Variants in SENP7 observed in about 807,000 individuals in gnomAD.
SENP7 encodes sentrin-specific protease 7.
In SENP7, 64 loss-of-function variants were observed where a neutral mutation model predicts 141.2. The ratio of observed to expected loss-of-function variants is 0.45; its 90% CI spans 0.37 to 0.56. The LOEUF (loss-of-function observed/expected upper bound fraction) is 0.56. Among genes scored for constraint, SENP7 ranks in the 20% least tolerant of loss-of-function variants. The probability of loss-of-function intolerance (pLI) is 0.00; values close to 1 mark genes in which losing one functional copy is unlikely to be tolerated. For missense variants in SENP7, 1,025 were observed against 1,212.2 expected, an observed-to-expected ratio of 0.85 and a Z score of 2.29; for synonymous variants, 382 against 426.4, an observed-to-expected ratio of 0.90 and a Z score of 1.28.
intron 5 of SENP7, among the ~76,000 whole-genome samples, chr3:101,410,424 T>C (rs930415454): frequency 6.6e-6 from 1 of 152,206 alleles, no homozygotes; most frequent in Non-Finnish European, 1.5e-5. Flanking sequence ...ATCCCACTCC[T>C]GGATATCTAC....
chr3:101,467,059 G>A (rs916374376), intron 3 of SENP7, among the ~76,000 whole-genome samples: 14 of 152,196 alleles, frequency 9.2e-5, no homozygotes, highest in African/African-American at 2.7e-4. Context: ...CAGGTCCCAC[G>A]CCCACAAAGC....
intron 1 of SENP7, 80 bp from the exon 2 acceptor site, chr3:101,501,199 A>C (rs1487397307): frequency 1.1e-6 from 1 of 917,804 alleles, no homozygotes; most frequent in African/African-American, 1.7e-5. Flanking sequence ...AGATTCTTTC[A>C]CATTCATCCT....
At chr3:101,461,337 T>C (rs1028027190) in intron 3 of SENP7, among the ~76,000 whole-genome samples, 1 of 151,972 alleles carries the variant, frequency 6.6e-6, no homozygotes, top group East Asian at 1.9e-4. Context: ...AAAATCCCTA[T>C]AAAAATATCA....
At chr3:101,439,564 G>A (rs1351683176) in intron 4 of SENP7, among the ~76,000 whole-genome samples, 390 of 28,522 alleles carry the variant, frequency 0.014, no homozygotes, top group South Asian at 0.031. Context: ...TCAGCCCCCC[G>A]CCCGGCCAGC....
chr3:101,353,264 C>T (rs1308608754), intron 11 of SENP7, among the ~76,000 whole-genome samples: 2 of 151,862 alleles, frequency 1.3e-5, no homozygotes, highest in Admixed American at 1.3e-4. Context: ...AAAAAATAAA[C>T]AGAAGCGGTG....
intron 11 of SENP7, among the ~76,000 whole-genome samples, chr3:101,352,620 T>G (rs1157569336): frequency 6.6e-6 from 1 of 152,084 alleles, no homozygotes; most frequent in East Asian, 1.9e-4. Flanking sequence ...CTTTGAAGTT[T>G]GTGTTTCCAT....
chr3:101,411,025 A>G (rs2061443366), intron 5 of SENP7, among the ~76,000 whole-genome samples: 1 of 152,206 alleles, frequency 6.6e-6, no homozygotes, highest in Admixed American at 6.5e-5. Context: ...AGTTAGACCA[A>G]CATAGGTTTG....
At chr3:101,442,207 T>G (rs138331784) in intron 4 of SENP7, among the ~76,000 whole-genome samples, 2 of 152,266 alleles carry the variant, frequency 1.3e-5, no homozygotes, top group African/African-American at 2.4e-5. Flanking sequence ...AATATATGTA[T>G]GAAATGCCTG....
At chr3:101,439,089 G>T (rs1262897292) in intron 4 of SENP7, among the ~76,000 whole-genome samples, 1 of 124,256 alleles carries the variant, frequency 8.0e-6, no homozygotes, top group Admixed American at 8.4e-5. Context: ...GAAGTGAGGA[G>T]CGCCTCTTCC....
chr3:101,368,105 C>A, intron 7 of SENP7, 94 bp from the exon 8 acceptor site: 1 of 899,388 alleles, frequency 1.1e-6, no homozygotes, highest in Non-Finnish European at 1.7e-6. Context: ...GATTGCTATA[C>A]TACTTCCAAA....
chr3:101,479,753 C>T (rs528270294), intron 3 of SENP7, among the ~76,000 whole-genome samples: 25 of 145,812 alleles, frequency 1.7e-4, no homozygotes, highest in African/African-American at 5.8e-4. Flanking sequence ...TGCAGTGAGC[C>T]GAGACCATGC....
intron 3 of SENP7, among the ~76,000 whole-genome samples, chr3:101,480,195 C>G (rs1168168630): frequency 6.6e-6 from 1 of 151,938 alleles, no homozygotes; most frequent in Non-Finnish European, 1.5e-5. Context: ...TGTATGGAAA[C>G]AAGAATCCAA....
chr3:101,504,695 TTACAGTA>T (rs879360372), intron 1 of SENP7, among the ~76,000 whole-genome samples: 3 of 152,176 alleles, frequency 2.0e-5, no homozygotes, highest in Non-Finnish European at 4.4e-5. Flanking sequence ...CTCACGTCTT[TTACAGTA>T]ACACAGAACT....
intron 4 of SENP7, among the ~76,000 whole-genome samples, chr3:101,454,964 T>C (rs1244977315): frequency 3.3e-5 from 5 of 152,194 alleles, no homozygotes; most frequent in Admixed American, 1.3e-4. Flanking sequence ...TATTTAATTA[T>C]TGAATTAAAA....
At chr3:101,376,264 T>C (rs1365610926) in intron 6 of SENP7, among the ~76,000 whole-genome samples, 1 of 152,120 alleles carries the variant, frequency 6.6e-6, no homozygotes, top group East Asian at 1.9e-4. Flanking sequence ...GAAAAAGTCC[T>C]GGAAAAGAAT....
intron 6 of SENP7, among the ~76,000 whole-genome samples, chr3:101,397,395 A>T (rs1576218615): frequency 6.6e-6 from 1 of 152,274 alleles, no homozygotes. Context: ...AGCCTCCCAA[A>T]GGGCTAGGAT....
chr3:101,444,889 T>TAAC (rs1159952323), intron 4 of SENP7, among the ~76,000 whole-genome samples: 1 of 148,844 alleles, frequency 6.7e-6, no homozygotes, highest in Non-Finnish European at 1.5e-5. Flanking sequence ...ACTTAAAGTA[T>TAAC]AATAATAATA....
intron 2 of SENP7, 141 bp from the exon 3 acceptor site, chr3:101,494,109 A>G (rs3846089): frequency 0.42 from 176,925 of 426,168 alleles, 38,327 homozygotes; most frequent in East Asian, 0.56. Context: ...TAATTTATAT[A>G]CAATTAAATA....
At chr3:101,399,287 C>T (rs904614634) in intron 5 of SENP7, among the ~76,000 whole-genome samples, 3 of 152,188 alleles carry the variant, frequency 2.0e-5, no homozygotes, top group African/African-American at 7.2e-5. Context: ...CCTGCCACTA[C>T]AATATCTTTA....
Sources: allele counts gnomAD v4.1 joint callset (sites outside exome capture counted in the v4.1 genomes callset), GRCh38; gene constraint gnomAD v4.1.1; transcripts MANE v1.5; gene names NCBI Gene and HGNC (gene_info 2026-07-23, HGNC 2026-07-21).